Variants in WWOX observed in about 807,000 individuals in gnomAD.
WWOX encodes WW domain-containing oxidoreductase.
A neutral mutation model predicts 46.2 loss-of-function variants in WWOX; 69 were observed. The observed-to-expected ratio is 1.49, with a 90% CI of 1.23 to 1.82. The LOEUF (loss-of-function observed/expected upper bound fraction) is 1.82, where lower values mean the gene tolerates loss of function less well. WWOX is among the 40% of genes most tolerant of loss of function. The pLI is 0.00. For missense variants in WWOX, 919 were observed against 542.6 expected (o/e 1.69, Z -6.89); for synonymous variants, 359 against 202.6 (o/e 1.77, Z -6.56).
chr16:78,990,955 G>T (rs997111505), intron 8 of WWOX, among the ~76,000 whole-genome samples: 2 of 152,222 alleles, frequency 1.3e-5, no homozygotes, highest in Non-Finnish European at 1.5e-5. Context: ...ACCTCCAGGG[G>T]AGCTTGTCTT....
chr16:78,476,877 T>A (rs1315333681), intron 8 of WWOX, among the ~76,000 whole-genome samples: 1 of 152,118 alleles, frequency 6.6e-6, no homozygotes, highest in Non-Finnish European at 1.5e-5. Flanking sequence ...CTTCCTGATT[T>A]CCCATCTTCT....
intron 8 of WWOX, among the ~76,000 whole-genome samples, chr16:78,764,645 A>G (rs904524509): frequency 2.7e-5 from 4 of 147,768 alleles, no homozygotes; most frequent in African/African-American, 1.0e-4. Context: ...GCTTTCCAAC[A>G]TTACCTTTGA....
chr16:78,356,335 C>G (rs2081290382), intron 5 of WWOX, among the ~76,000 whole-genome samples: 1 of 151,406 alleles, frequency 6.6e-6, no homozygotes, highest in African/African-American at 2.4e-5. Flanking sequence ...AAATACTCAA[C>G]TTGTTTAAAA....
intron 8 of WWOX, among the ~76,000 whole-genome samples, chr16:78,733,818 C>T (rs1326223883): frequency 6.6e-6 from 1 of 152,024 alleles, no homozygotes; most frequent in Non-Finnish European, 1.5e-5. Context: ...GCCATCCCAG[C>T]ACTTTGGGAG....
intron 5 of WWOX, among the ~76,000 whole-genome samples, chr16:78,310,771 C>T (rs923242303): frequency 6.6e-6 from 1 of 152,218 alleles, no homozygotes; most frequent in Non-Finnish European, 1.5e-5. Context: ...GCTCTCACAG[C>T]TGTGTCAGCC....
At chr16:78,229,515 G>T (rs11864975) in intron 5 of WWOX, among the ~76,000 whole-genome samples, 5,618 of 79,818 alleles carry the variant, frequency 0.07, 398 homozygotes, top group African/African-American at 0.27. Context: ...TCTATATAGA[G>T]ATATATATAT....
intron 8 of WWOX, among the ~76,000 whole-genome samples, chr16:79,154,585 A>G (rs2050344727): frequency 1.3e-5 from 2 of 152,180 alleles, no homozygotes; most frequent in East Asian, 1.9e-4. Context: ...TTCGATGGCA[A>G]TTTTGTGTTT....
At chr16:78,634,789 T>G (rs1352848181) in intron 8 of WWOX, among the ~76,000 whole-genome samples, 1 of 147,762 alleles carries the variant, frequency 6.8e-6, no homozygotes, top group Non-Finnish European at 1.5e-5. Context: ...GGGCCAATAG[T>G]TTAGAGGCTC....
At chr16:79,048,124 A>G (rs1567513426) in intron 8 of WWOX, among the ~76,000 whole-genome samples, 1 of 152,168 alleles carries the variant, frequency 6.6e-6, no homozygotes, top group Non-Finnish European at 1.5e-5. Context: ...AGACACGGAA[A>G]ATCATTTTCT....
At chr16:78,741,630 G>T (rs2049230672) in intron 8 of WWOX, among the ~76,000 whole-genome samples, 1 of 151,992 alleles carries the variant, frequency 6.6e-6, no homozygotes, top group Non-Finnish European at 1.5e-5. Context: ...TGAGGTGGGT[G>T]GATCACTTGA....
chr16:78,266,281 A>T (rs186124796), intron 5 of WWOX, among the ~76,000 whole-genome samples: 18 of 152,332 alleles, frequency 1.2e-4, no homozygotes, highest in African/African-American at 4.1e-4. Context: ...AAATTTTAAA[A>T]ACTTTTATTG....
At chr16:78,869,223 C>G (rs2044072954) in intron 8 of WWOX, among the ~76,000 whole-genome samples, 1 of 152,096 alleles carries the variant, frequency 6.6e-6, no homozygotes, top group South Asian at 2.1e-4. Flanking sequence ...GGGGTCCAAG[C>G]CTCCCTGAAG....
chr16:78,915,576 T>C (rs2045229717), intron 8 of WWOX, among the ~76,000 whole-genome samples: 1 of 152,070 alleles, frequency 6.6e-6, no homozygotes, highest in African/African-American at 2.4e-5. Context: ...AAATGAAAAA[T>C]TGCACTGTGA....
chr16:78,854,134 T>C (rs1459067528), intron 8 of WWOX, among the ~76,000 whole-genome samples: 4 of 152,212 alleles, frequency 2.6e-5, no homozygotes, highest in Non-Finnish European at 5.9e-5. Context: ...CGAACAGTTA[T>C]TTCATTTCGC....
At chr16:79,207,802 A>C (rs2051569790) in intron 8 of WWOX, among the ~76,000 whole-genome samples, 2 of 150,656 alleles carry the variant, frequency 1.3e-5, no homozygotes, top group African/African-American at 2.4e-5. Flanking sequence ...TTTTTTCTTT[A>C]CCATATATTG....
At chr16:78,143,912 T>C (rs2034076160) in intron 4 of WWOX, among the ~76,000 whole-genome samples, 2 of 152,160 alleles carry the variant, frequency 1.3e-5, no homozygotes, top group Admixed American at 1.3e-4. Flanking sequence ...GCTTTCTTTT[T>C]CTTAACACGG....
chr16:78,924,798 T>G (rs577593968), intron 8 of WWOX, among the ~76,000 whole-genome samples: 1 of 152,354 alleles, frequency 6.6e-6, no homozygotes, highest in African/African-American at 2.4e-5. Context: ...TAGACATCTC[T>G]TTTAGACTAC....
intron 8 of WWOX, among the ~76,000 whole-genome samples, chr16:78,744,019 A>C (rs575475053): frequency 4.6e-5 from 7 of 152,216 alleles, no homozygotes; most frequent in Non-Finnish European, 8.8e-5. Flanking sequence ...CGTTTTGTCC[A>C]ATTCTTTATT....
chr16:78,417,040 G>GGTGTGTGTGTGTGTGT (rs143606762), intron 6 of WWOX, among the ~76,000 whole-genome samples: 9,136 of 151,346 alleles, frequency 0.06, 338 homozygotes, highest in South Asian at 0.15. Flanking sequence ...ACCCTTTGGG[G>GGTGTGTGTGTGTGTGT]GTGTGTGTGT....
Sources: allele counts gnomAD v4.1 joint callset (sites outside exome capture counted in the v4.1 genomes callset), GRCh38; gene constraint gnomAD v4.1.1; transcripts MANE v1.5; gene names NCBI Gene and HGNC (gene_info 2026-07-23, HGNC 2026-07-21).